Variants in DDIT3 observed in about 807,000 individuals in gnomAD.
DDIT3 encodes the protein DNA damage inducible transcript 3.
In DDIT3, 14 loss-of-function variants were observed where a neutral mutation model predicts 17.6. The ratio of observed to expected loss-of-function variants is 0.80; its 90% CI spans 0.53 to 1.25. DDIT3 has a LOEUF of 1.25. DDIT3 is among the 50% of genes most tolerant of loss of function. The pLI is 0.00. For missense variants in DDIT3, 216 were observed against 202.7 expected (o/e 1.07, Z -0.40); for synonymous variants, 93 against 76.5 (o/e 1.22, Z -1.13).
rs775586763 is a variant in DDIT3 at position 57,516,834 on chromosome 12, C to T, written c.485G>A (p.Arg162Gln). 8.1e-6 allele frequency: 13 copies of T among 1,611,898 alleles called. No homozygotes were observed. The highest frequency in any genetic ancestry group is 1.7e-4 in the Middle Eastern group (1 of 6,058). Residue 162 changes from arginine (R) to glutamine (Q), a missense_variant, in exon 4 of 4, where the codon CGA becomes CAA. Arg to Gln is a conservative substitution (Grantham distance 43). Coordinates refer to ENST00000346473, the MANE Select transcript of DDIT3 (RefSeq NM_004083.6). Reference sequence around the variant, plus strand: ...TCATGCTTGGTGCAGATTCACCATTCGGTCAATCAGAGCTCGGCGAGTCGC... The same window carrying T: ...TCATGCTTGGTGCAGATTCACCATTTGGTCAATCAGAGCTCGGCGAGTCGC... ...VEATRRALID[R>Q]MVNLHQA is the part of the protein sequence containing the mutation.
chr12:57,518,105 ACC>A (rs1878013830), intron 1 of DDIT3, among the ~76,000 whole-genome samples: 1 of 151,948 alleles, frequency 6.6e-6, no homozygotes, highest in African/African-American at 2.4e-5. Context: ...GGCATGAGCT[ACC>A]GTGCTGGGCC....
intron 1 of DDIT3, chr12:57,519,084 T>A (rs1470179374): frequency 1.9e-6 from 1 of 530,262 alleles, no homozygotes; most frequent in Non-Finnish European, 3.8e-6. Flanking sequence ...AGAAACTTTC[T>A]GACTGCAGAA....
chr12:57,519,017 C>T (rs556458800), intron 1 of DDIT3: 1 of 514,472 alleles, frequency 1.9e-6, no homozygotes, highest in South Asian at 1.4e-5. Context: ...AATCTAAACA[C>T]TTCTAATTCC....
At position 57,517,237 on chromosome 12, in the gene DDIT3, T is replaced by C. The variant is rs1565654594; in HGVS notation, c.138+32A>G. 1.9e-6 allele frequency: 3 copies of C among 1,612,030 alleles called. No homozygotes were observed. In the South Asian group the frequency reaches 3.3e-5, roughly 18 times the overall value. ...ATTAGTTGAGAAGGGAAAGGTAACA[T>C]CCCCCTTTAGCTTTAGGGCTAACAT... On this transcript the variant is annotated intron_variant, in intron 3 of 3. Transcript: ENST00000346473.
At chr12:57,519,181 C>T in intron 1 of DDIT3, 1 of 533,354 alleles carries the variant, frequency 1.9e-6, no homozygotes, top group East Asian at 5.4e-5. Flanking sequence ...CAGGTCATTC[C>T]TCTGCTCAAA....
intron 1 of DDIT3, chr12:57,519,374 C>G (rs1878119649): frequency 2.7e-6 from 1 of 369,628 alleles, no homozygotes; most frequent in South Asian, 2.0e-5. Flanking sequence ...GTAGGCCTCC[C>G]ACTGAGATGA....
At position 57,516,721 on chromosome 12, in the gene DDIT3, C is replaced by A; in HGVS notation, c.*88G>T. The A allele has an allele frequency of 6.5e-7, 1 of 1,548,688 alleles. No individual in the cohort carries two copies. Among genetic ancestry groups the A allele is most frequent in the South Asian group, 1.3e-5 (1 of 79,982 alleles). On this transcript the variant is annotated 3_prime_UTR_variant, in exon 4 of 4. Coordinates refer to ENST00000346473, the MANE Select transcript of DDIT3 (RefSeq NM_004083.6). ...GCGTATGTGGGATTGAGGGTCACAT[C>A]ATTGGCACTAGTGAGAGGGTAGTCA...
At chr12:57,519,835 C>T (rs1457334967) in intron 1 of DDIT3, among the ~76,000 whole-genome samples, 2 of 152,196 alleles carry the variant, frequency 1.3e-5, no homozygotes, top group African/African-American at 4.8e-5. Context: ...GTGCAGGAGG[C>T]CCAGAGACCT....
chr12:57,518,937 GGT>G (rs1290358327), intron 1 of DDIT3, among the ~76,000 whole-genome samples: 1 of 152,178 alleles, frequency 6.6e-6, no homozygotes, highest in Non-Finnish European at 1.5e-5. Context: ...TGGGATTACA[GGT>G]GTGAGCCACC....
intron 3 of DDIT3, 43 bp downstream of exon 3, chr12:57,517,226 G>A: frequency 6.2e-7 from 1 of 1,611,772 alleles, no homozygotes; most frequent in South Asian, 1.1e-5. Flanking sequence ...GTTGAGAAGG[G>A]AAAGGTAACA....
chr12:57,517,787 T>C, intron 1 of DDIT3, 34 bp from the exon 2 acceptor site: 1 of 432,536 alleles, frequency 2.3e-6, no homozygotes, highest in Non-Finnish European at 4.1e-6. Context: ...CAGCCATTTT[T>C]GGAAGGGGGA....
chr12:57,517,032 T>TC lies in DDIT3; in HGVS notation c.286dup (p.Glu96GlyfsTer33). On this transcript the variant is annotated frameshift_variant, in exon 4 of 4. Transcript: ENST00000346473. LOFTEE classifies it high-confidence loss of function. ...TTTCCTGGTTCTCCCTTGGTCTTCC[T>TC]CCTCTTCCTCCTGAGCCAGGGAGCT... 6.2e-7 allele frequency: 1 copy of TC among 1,614,146 alleles called. No individual in the cohort carries two copies. Among genetic ancestry groups the TC allele is most frequent in the Non-Finnish European group, 8.5e-7 (1 of 1,180,012 alleles).
At chr12:57,519,438 G>A (rs1466233580) in intron 1 of DDIT3, among the ~76,000 whole-genome samples, 3 of 152,274 alleles carry the variant, frequency 2.0e-5, no homozygotes, top group South Asian at 2.1e-4. Flanking sequence ...GTGGCACACA[G>A]TAGGTCCTCA....
chr12:57,517,462 G>C (rs1300657957), intron 2 of DDIT3, 24 bp from the exon 3 acceptor site: 2 of 1,599,968 alleles, frequency 1.3e-6, no homozygotes, highest in Non-Finnish European at 1.7e-6. Flanking sequence ...GGGAGTGGCT[G>C]GAACAAGCTC....
intron 1 of DDIT3, among the ~76,000 whole-genome samples, chr12:57,518,464 C>A (rs1878045777): frequency 6.6e-6 from 1 of 152,228 alleles, no homozygotes; most frequent in Admixed American, 6.5e-5. Flanking sequence ...CTGCTGTCTA[C>A]TGCCTACTTG....
At chr12:57,520,206 G>A (rs1254264073) in intron 1 of DDIT3, among the ~76,000 whole-genome samples, 4 of 152,218 alleles carry the variant, frequency 2.6e-5, no homozygotes, top group African/African-American at 7.2e-5. Flanking sequence ...ACAGAGCAGG[G>A]CCCGTGTTCC....
chr12:57,519,386 T>A (rs1335747266), intron 1 of DDIT3: 1 of 367,396 alleles, frequency 2.7e-6, no homozygotes, highest in Non-Finnish European at 5.4e-6. Context: ...CTGAGATGAT[T>A]TTTTCCTCTT....
At chr12:57,517,557 C>T (rs1167767055) in intron 2 of DDIT3, 119 bp from the exon 3 acceptor site, 4 of 1,051,268 alleles carry the variant, frequency 3.8e-6, no homozygotes, top group Non-Finnish European at 5.7e-6. Flanking sequence ...AATACAGCCA[C>T]ATCTGTTTAT....
rs1386493299 is a variant in DDIT3 at position 57,517,081 on chromosome 12, G to A, written c.238C>T (p.Pro80Ser). Residue 80 changes from proline to serine, a missense_variant, in exon 4 of 4, where the codon CCT becomes TCT. Pro to Ser is a moderately conservative substitution (Grantham distance 74). Transcript: ENST00000346473. ...PAEVTSTSQSPHSPDSSQSSL... is the reference protein window; with the variant it reads ...PAEVTSTSQSSHSPDSSQSSL... Reference sequence around the variant, plus strand: ...CTCTGACTGGAATCTGGAGAGTGAGGGCTCTGGGAGGTGCTTGTGACCTCT... The same window carrying A: ...CTCTGACTGGAATCTGGAGAGTGAGAGCTCTGGGAGGTGCTTGTGACCTCT... 1 of 1,614,168 alleles carries A rather than the reference G, an allele frequency of 6.2e-7. No homozygotes were observed. The highest frequency in any genetic ancestry group is 1.7e-5 in the Admixed American group (1 of 60,010).
Sources: gnomAD v4.1 joint callset for allele counts (sites outside exome capture counted in the v4.1 genomes callset) on GRCh38, gnomAD v4.1.1 for gene constraint, MANE v1.5 for transcripts, NCBI Gene and HGNC (gene_info 2026-07-23, HGNC 2026-07-21) for gene names.